Variants in HHAT observed in about 807,000 individuals in gnomAD.
HHAT encodes protein-cysteine N-palmitoyltransferase HHAT.
Under a neutral mutation model 70.8 loss-of-function variants are expected in HHAT, and 47 were observed. That is an observed-to-expected ratio of 0.66 (90% CI 0.53 to 0.85). HHAT has a LOEUF of 0.85. Among genes scored for constraint, HHAT ranks in the 40% least tolerant of loss-of-function variants. HHAT has a pLI of 0.00. For synonymous variants in HHAT, 228 were observed against 247.6 expected (o/e 0.92, Z 0.74); for missense variants, 609 against 604.8 (o/e 1.01, Z -0.07).
intron 9 of HHAT, among the ~76,000 whole-genome samples, chr1:210,582,937 T>C (rs576684341): frequency 2.3e-4 from 35 of 152,238 alleles, no homozygotes; most frequent in Admixed American, 2.6e-4. Flanking sequence ...AGAAAGGACA[T>C]TTTTCAGTTA....
chr1:210,433,206 C>A (rs2093294951), intron 7 of HHAT, among the ~76,000 whole-genome samples: 1 of 151,756 alleles, frequency 6.6e-6, no homozygotes, highest in Admixed American at 6.6e-5. Flanking sequence ...TGCGCCTATA[C>A]CACTGCCTCT....
At chr1:210,363,399 C>T (rs544083876) in intron 3 of HHAT, among the ~76,000 whole-genome samples, 5 of 152,324 alleles carry the variant, frequency 3.3e-5, no homozygotes, top group African/African-American at 1.2e-4. Context: ...AGCAGCAGCT[C>T]ATTTTGTCTA....
At chr1:210,481,135 G>T (rs1238700539) in intron 8 of HHAT, among the ~76,000 whole-genome samples, 1 of 151,628 alleles carries the variant, frequency 6.6e-6, no homozygotes, top group Non-Finnish European at 1.5e-5. Flanking sequence ...TGAGGAGGGG[G>T]ACTTGGAGTT....
At chr1:210,489,645 G>C (rs140496607) in intron 8 of HHAT, among the ~76,000 whole-genome samples, 191 of 152,242 alleles carry the variant, frequency 1.3e-3, no homozygotes, top group African/African-American at 4.3e-3. Flanking sequence ...GTGTTGTCCT[G>C]GTAACCATCA....
At chr1:210,349,132 G>A (rs2086790627) in intron 2 of HHAT, 66 bp downstream of exon 2, 1 of 1,524,614 alleles carries the variant, frequency 6.6e-7, no homozygotes, top group Non-Finnish European at 9.0e-7. Context: ...AAGGAGCAGA[G>A]GTGGAAGATT....
At chr1:210,411,257 C>T (rs1000515065) in intron 6 of HHAT, among the ~76,000 whole-genome samples, 9 of 152,126 alleles carry the variant, frequency 5.9e-5, no homozygotes, top group African/African-American at 2.2e-4. Context: ...GGCTCCATAC[C>T]AAATGCTGCT....
chr1:210,473,709 T>A (rs1572691267), intron 8 of HHAT, among the ~76,000 whole-genome samples: 1 of 152,200 alleles, frequency 6.6e-6, no homozygotes, highest in Non-Finnish European at 1.5e-5. Context: ...TCCTCCTGCA[T>A]CTCCTTTCCC....
chr1:210,641,832 A>G (rs1015010456), intron 11 of HHAT, among the ~76,000 whole-genome samples: 1 of 152,164 alleles, frequency 6.6e-6, no homozygotes, highest in Admixed American at 6.5e-5. Context: ...ATTCCATCCA[A>G]TCGTAGGCAA....
chr1:210,493,874 C>T (rs1485049696), intron 8 of HHAT, among the ~76,000 whole-genome samples: 1 of 152,242 alleles, frequency 6.6e-6, no homozygotes, highest in Non-Finnish European at 1.5e-5. Context: ...TATTCTTTCA[C>T]ATCCCCACCT....
intron 1 of HHAT, among the ~76,000 whole-genome samples, chr1:210,336,549 TGAG>T (rs2147922978): frequency 6.6e-6 from 1 of 152,082 alleles, no homozygotes; most frequent in East Asian, 1.9e-4. Flanking sequence ...TTTGGGAGGC[TGAG>T]GAGGGAGGAT....
At chr1:210,403,586 A>T (rs1040403479) in intron 5 of HHAT, among the ~76,000 whole-genome samples, 2 of 152,028 alleles carry the variant, frequency 1.3e-5, no homozygotes. Flanking sequence ...AGAAGTAGAA[A>T]CTCTGTTCAG....
Position 210,493,710 on chromosome 1 carries a change from G to C in HHAT, c.1008-19443G>C, listed in dbSNP as rs576074643. Among the ~76,000 whole-genome samples the C allele has an allele frequency of 2.5e-4, 38 of 152,286 alleles. 1 individual carries two copies. In the East Asian group the frequency reaches 5.0e-3, roughly 20 times the overall value. Reference sequence around the variant, plus strand: ...TTAAAATGTTGAGACTGGGTGCGGAGGTTGCCAAAATGATCTAGTGACGGG... The same window carrying C: ...TTAAAATGTTGAGACTGGGTGCGGACGTTGCCAAAATGATCTAGTGACGGG... On this transcript the variant is annotated intron_variant, in intron 8 of 11. Coordinates refer to ENST00000261458, the MANE Select transcript of HHAT (RefSeq NM_018194.6).
chr1:210,353,947 G>A (rs2087326242), intron 2 of HHAT, among the ~76,000 whole-genome samples: 1 of 152,038 alleles, frequency 6.6e-6, no homozygotes, highest in Non-Finnish European at 1.5e-5. Context: ...TGTTTGGATT[G>A]TTGATTGTTT....
chr1:210,560,829 A>T (rs1009274544), intron 9 of HHAT, among the ~76,000 whole-genome samples: 1 of 143,900 alleles, frequency 6.9e-6, no homozygotes, highest in African/African-American at 2.7e-5. Flanking sequence ...AAAAAAAAAA[A>T]AAAAAAAAAA....
chr1:210,598,484 G>T (rs1299010242), intron 10 of HHAT, among the ~76,000 whole-genome samples: 1 of 152,178 alleles, frequency 6.6e-6, no homozygotes, highest in Non-Finnish European at 1.5e-5. Flanking sequence ...TTGGGGACAA[G>T]TGTTGCTGGA....
intron 9 of HHAT, among the ~76,000 whole-genome samples, chr1:210,541,310 C>G (rs570469542): frequency 5.3e-5 from 8 of 152,172 alleles, no homozygotes; most frequent in African/African-American, 1.9e-4. Context: ...ATTGTGTCCC[C>G]AAATCTTCCT....
At chr1:210,502,251 G>A (rs941845740) in intron 8 of HHAT, among the ~76,000 whole-genome samples, 1 of 151,648 alleles carries the variant, frequency 6.6e-6, no homozygotes, top group African/African-American at 2.4e-5. Context: ...GGGAGTGGTG[G>A]TGGGCGCCTG....
chr1:210,438,498 C>A (rs1180505257), intron 7 of HHAT, among the ~76,000 whole-genome samples: 1 of 151,800 alleles, frequency 6.6e-6, no homozygotes, highest in Admixed American at 6.6e-5. Flanking sequence ...AAGTGATATA[C>A]CCACATATAT....
chr1:210,543,783 T>C (rs988448911), intron 9 of HHAT, among the ~76,000 whole-genome samples: 5 of 152,184 alleles, frequency 3.3e-5, no homozygotes, highest in Non-Finnish European at 5.9e-5. Context: ...ACTCCTTACC[T>C]TAACAGAGCA....
Sources: gnomAD v4.1 joint callset for allele counts (sites outside exome capture counted in the v4.1 genomes callset) on GRCh38, gnomAD v4.1.1 for gene constraint, MANE v1.5 for transcripts, NCBI Gene and HGNC (gene_info 2026-07-23, HGNC 2026-07-21) for gene names.